GLIS3: variants seen among roughly 807,000 people sequenced by gnomAD.
GLIS3 encodes GLIS family zinc finger 3.
Under a neutral mutation model 78.6 loss-of-function variants are expected in GLIS3, and 53 were observed. The observed-to-expected ratio is 0.67, with a 90% CI of 0.54 to 0.85. The LOEUF (loss-of-function observed/expected upper bound fraction) is 0.85, where lower values mean the gene tolerates loss of function less well. Ranked by LOEUF, GLIS3 falls within the 40% of genes least tolerant of loss-of-function variation. The pLI, the probability that GLIS3 is intolerant of heterozygous loss-of-function variation, is 0.00. For synonymous variants in GLIS3, 684 were observed against 509.9 expected, an observed-to-expected ratio of 1.34 and a Z score of -4.60; for missense variants, 1,703 against 1,231.1, an observed-to-expected ratio of 1.38 and a Z score of -5.74.
chr9:4,407,260 A>C, the GLIS3 span, among the ~76,000 whole-genome samples: 2 of 152,224 alleles, frequency 1.3e-5, no homozygotes, highest in Admixed American at 6.5e-5. Flanking sequence ...ATGAAACTAG[A>C]CCCTTATCTC....
intron 6 of GLIS3, among the ~76,000 whole-genome samples, chr9:3,920,688 G>C (rs487735): frequency 6.6e-6 from 1 of 150,720 alleles, no homozygotes; most frequent in Non-Finnish European, 1.5e-5. Context: ...ACACAGAAAT[G>C]AAATCCGATT....
At chr9:3,982,722 T>C (rs1366715317) in intron 4 of GLIS3, among the ~76,000 whole-genome samples, 1 of 152,164 alleles carries the variant, frequency 6.6e-6, no homozygotes, top group Admixed American at 6.5e-5. Context: ...CAACAGATAG[T>C]TTCAAACTCT....
intron 2 of GLIS3, among the ~76,000 whole-genome samples, chr9:4,192,328 C>A (rs1383262312): frequency 6.6e-6 from 1 of 152,090 alleles, no homozygotes; most frequent in African/African-American, 2.4e-5. Context: ...AAAGGTGACA[C>A]CTCAGTTATT....
chr9:4,064,744 A>C (rs1826950055), intron 4 of GLIS3, among the ~76,000 whole-genome samples: 1 of 152,222 alleles, frequency 6.6e-6, no homozygotes, highest in East Asian at 1.9e-4. Flanking sequence ...AAATGAGCTG[A>C]GACTGCGCCA....
Position 3,934,045 on chromosome 9 carries a change from G to A in GLIS3, c.1873-1575C>T, listed in dbSNP as rs369423433. Reference sequence around the variant, plus strand: ...TGTGTTTCAGACTAGGGATCTAAAAGTGAACAATGGATAAACCAGGTTCTC... The same window carrying A: ...TGTGTTTCAGACTAGGGATCTAAAAATGAACAATGGATAAACCAGGTTCTC... On this transcript the variant is annotated intron_variant, in intron 5 of 10. Transcript: ENST00000381971. Among the ~76,000 whole-genome samples, 179 of 152,322 alleles carry A rather than the reference G, an allele frequency of 1.2e-3. 1 individual carries two copies. In the Middle Eastern group the frequency reaches 0.014, roughly 12 times the overall value.
the GLIS3 span, among the ~76,000 whole-genome samples, chr9:4,436,244 G>A: frequency 6.6e-6 from 1 of 151,928 alleles, no homozygotes; most frequent in Non-Finnish European, 1.5e-5. Flanking sequence ...ACATATTATG[G>A]GATATTATGC....
the GLIS3 span, among the ~76,000 whole-genome samples, chr9:4,463,843 G>T: frequency 7.7e-3 from 1,169 of 152,274 alleles, 15 homozygotes; most frequent in African/African-American, 0.027. Context: ...AAGAGTGCAG[G>T]AGTGCAGGCA....
rs563282826 is a variant in GLIS3, at chr9:3,988,211, TA to T, written c.1711-51023del. ...TTCATAAATGAAAAAAATAAAAAAA[TA>T]AAAAAACATTCTCAATGAAGAAAAA... On this transcript the variant is annotated intron_variant, in intron 4 of 10. Coordinates refer to ENST00000381971, the MANE Select transcript of GLIS3 (RefSeq NM_001042413.2). Among the ~76,000 whole-genome samples the T allele has an allele frequency of 2.6e-5, 4 of 151,292 alleles. No homozygotes were observed. In the South Asian group the frequency reaches 8.4e-4, roughly 32 times the overall value.
chr9:4,431,440 T>C, the GLIS3 span, among the ~76,000 whole-genome samples: 7 of 152,004 alleles, frequency 4.6e-5, no homozygotes, highest in Admixed American at 1.3e-4. Context: ...ATTGACTGGA[T>C]TGGGGAAGAT....
chr9:4,203,098 A>G (rs952447348), intron 2 of GLIS3, among the ~76,000 whole-genome samples: 2 of 152,260 alleles, frequency 1.3e-5, no homozygotes, highest in African/African-American at 4.8e-5. Flanking sequence ...TAATATCCAG[A>G]ATCTACAAAG....
At chr9:4,351,251 C>G (rs1049615449), upstream of GLIS3, among the ~76,000 whole-genome samples, 1 of 151,836 alleles carries the variant, frequency 6.6e-6, no homozygotes, top group African/African-American at 2.4e-5. Flanking sequence ...TCAAAAGAAA[C>G]AAACAAACAA....
chr9:4,309,586 G>C (rs1055579353), intron 3 of GLIS3, among the ~76,000 whole-genome samples: 1 of 152,082 alleles, frequency 6.6e-6, no homozygotes, highest in Non-Finnish European at 1.5e-5. Flanking sequence ...GGCCACAAAA[G>C]GCAAACTTAC....
intron 4 of GLIS3, among the ~76,000 whole-genome samples, chr9:4,308,086 T>C (rs1177622422): frequency 6.6e-6 from 1 of 152,156 alleles, no homozygotes; most frequent in Non-Finnish European, 1.5e-5. Context: ...ATGCTCTTGA[T>C]ACTATCTGGG....
intron 2 of GLIS3, among the ~76,000 whole-genome samples, chr9:4,339,558 AC>A (rs1817802738): frequency 1.3e-5 from 2 of 149,942 alleles, no homozygotes; most frequent in African/African-American, 4.9e-5. Context: ...ACCGGAAAGA[AC>A]CTCTCCAACC....
the GLIS3 span, among the ~76,000 whole-genome samples, chr9:4,385,793 GAAAGAAAGAA>G: frequency 2.6e-5 from 2 of 75,692 alleles, 1 homozygote; most frequent in Non-Finnish European, 5.2e-5. Context: ...AAGAAAGAAA[GAAAGAAAGAA>G]AGAAAGAAAA....
At chr9:4,269,117 T>C (rs1209775207) in intron 2 of GLIS3, among the ~76,000 whole-genome samples, 14 of 152,214 alleles carry the variant, frequency 9.2e-5, no homozygotes, top group Non-Finnish European at 1.9e-4. Flanking sequence ...TCATTAAAAT[T>C]GACAGACAAG....
chr9:4,364,339 T>C, the GLIS3 span, among the ~76,000 whole-genome samples: 4 of 152,228 alleles, frequency 2.6e-5, no homozygotes, highest in African/African-American at 4.8e-5. Context: ...TCAGAAACAG[T>C]GTATAGCATA....
the GLIS3 span, among the ~76,000 whole-genome samples, chr9:4,387,166 A>G: frequency 1.3e-5 from 2 of 152,170 alleles, no homozygotes; most frequent in South Asian, 2.1e-4. Flanking sequence ...GTGCAGCAGG[A>G]AAAAAACAAA....
chr9:4,218,433 C>T (rs1455853434), intron 2 of GLIS3, among the ~76,000 whole-genome samples: 1 of 152,200 alleles, frequency 6.6e-6, no homozygotes, highest in Non-Finnish European at 1.5e-5. Flanking sequence ...CACCCGCCAC[C>T]ACACTCGACT....
Sources: allele counts gnomAD v4.1 joint callset (sites outside exome capture counted in the v4.1 genomes callset), GRCh38; gene constraint gnomAD v4.1.1; transcripts MANE v1.5; gene names NCBI Gene and HGNC (gene_info 2026-07-23, HGNC 2026-07-21).